The following BTBD18 variants were observed in gnomAD, a reference collection of about 807,000 sequenced individuals.
The protein encoded by BTBD18 is BTB domain containing 18.
For missense variants in BTBD18, 787 were observed against 846.3 expected (o/e 0.93, Z 0.87); for synonymous variants, 311 against 324.4 (o/e 0.96, Z 0.44).
Position 57,744,988 on chromosome 11 carries a change from T to C in BTBD18, c.1285A>G (p.Ile429Val). The C allele has an allele frequency of 6.4e-7, 1 of 1,551,684 alleles. No homozygotes were observed. The highest frequency in any genetic ancestry group is 8.7e-7 in the Non-Finnish European group (1 of 1,146,970). The part of the protein sequence containing the change: ...DSPMCTKLQD[I>V]LVSASHSPDH... Reference sequence around the variant, plus strand: ...GGGGAGTGGCTAGCAGAGACCAGAATGTCTTGTAGCTTAGTGCACATGGGG... The same window carrying C: ...GGGGAGTGGCTAGCAGAGACCAGAACGTCTTGTAGCTTAGTGCACATGGGG... The change falls in exon 3 of 3, where the codon ATT becomes GTT. Residue 429 changes from isoleucine to valine, a missense_variant. By Grantham distance (29) the Ile-to-Val change is conservative. Coordinates refer to ENST00000422652, the MANE Select transcript of BTBD18 (RefSeq NM_001145101.3).
chr11:57,751,051 G>A lies in BTBD18; in HGVS notation c.124+14C>T, dbSNP rs144744469. 2.7e-4 allele frequency: 405 copies of A among 1,513,726 alleles called. 2 individuals are homozygous for A. In the African/African-American group the frequency reaches 4.6e-3, roughly 17 times the overall value. 93.8% of individuals were successfully genotyped at this position (1,513,726 alleles called of 1,614,324 possible). A position where few individuals can be genotyped will look rare whatever the true frequency, so the allele number is the denominator to read the frequency against. ...TATGGTGAGTTTTCAGTTGAATTCC[G>A]ACCACTCTCTTACCTTCTGCCTGCA... On this transcript the variant is annotated intron_variant, in intron 2 of 2. Coordinates refer to ENST00000422652, the MANE Select transcript of BTBD18 (RefSeq NM_001145101.3).
At chr11:57,750,706 A>T (rs1042935540) in intron 2 of BTBD18, among the ~76,000 whole-genome samples, 1 of 152,234 alleles carries the variant, frequency 6.6e-6, no homozygotes. Context: ...AAGAAAACAT[A>T]ATAGTATCAT....
chr11:57,746,978 C>A (rs1244909941), intron 2 of BTBD18, among the ~76,000 whole-genome samples: 2 of 152,102 alleles, frequency 1.3e-5, no homozygotes, highest in African/African-American at 4.8e-5. Context: ...GTCTTTCTCA[C>A]TGAGATATAT....
rs1279366800 is a variant in BTBD18 at position 57,744,310 on chromosome 11, C to T, written c.1963G>A (p.Gly655Ser). Reference sequence around the variant, plus strand: ...TCAGAGTGACCAGATACCTCCTTGCCTGCCTTGGGAGAAGGGTATAATAAC... The same window carrying T: ...TCAGAGTGACCAGATACCTCCTTGCTTGCCTTGGGAGAAGGGTATAATAAC... ...DELLYPSPKA[G>S]KEVSGHSELL... Residue 655 changes from glycine to serine, a missense_variant, in exon 3 of 3, where the codon GGC becomes AGC. Physicochemically the swap from Gly to Ser is moderately conservative, Grantham distance 56. Transcript: ENST00000422652. 6.4e-7 allele frequency: 1 copy of T among 1,551,546 alleles called. No individual in the cohort carries two copies. The highest frequency in any genetic ancestry group is 1.4e-5 in the African/African-American group (1 of 73,058).
intron 1 of BTBD18, 130 bp from the exon 2 acceptor site, chr11:57,751,366 G>A (rs1221667781): frequency 1.3e-5 from 6 of 478,348 alleles, no homozygotes; most frequent in Non-Finnish European, 2.2e-5. Flanking sequence ...CAGAAATTGT[G>A]CCAAGGATAT....
chr11:57,744,101 T>G lies in BTBD18; in HGVS notation c.*33A>C. ...TTTTGCTAGCTAACATTTCCCACCC[T>G]CCCAAGGCCCCTAACCTGCCCTCCC... On this transcript the variant is annotated 3_prime_UTR_variant, in exon 3 of 3. Coordinates refer to ENST00000422652, the MANE Select transcript of BTBD18 (RefSeq NM_001145101.3). 4 of 590,246 alleles carry G rather than the reference T, an allele frequency of 6.8e-6. No homozygotes were observed. Among genetic ancestry groups the G allele is most frequent in the Non-Finnish European group, 1.2e-5 (4 of 343,564 alleles). 36.6% of individuals were successfully genotyped at this position (590,246 alleles called of 1,614,324 possible).
chr11:57,749,615 T>A (rs1949260697), intron 2 of BTBD18, among the ~76,000 whole-genome samples: 1 of 151,806 alleles, frequency 6.6e-6, no homozygotes, highest in Middle Eastern at 3.2e-3. Flanking sequence ...CCAGGTGTGG[T>A]GGCATATCCC....
At chr11:57,749,745 C>CAAAAAAAAA (rs576323420) in intron 2 of BTBD18, among the ~76,000 whole-genome samples, 4 of 62,968 alleles carry the variant, frequency 6.4e-5, no homozygotes, top group Non-Finnish European at 8.3e-5. Context: ...GCAAGAATCT[C>CAAAAAAAAA]AAAAAAAAAA....
At chr11:57,749,055 C>T (rs1178067092) in intron 2 of BTBD18, among the ~76,000 whole-genome samples, 2 of 152,206 alleles carry the variant, frequency 1.3e-5, no homozygotes, top group Non-Finnish European at 2.9e-5. Context: ...TCTTTCAGAT[C>T]TCACCTAAGG....
In BTBD18 at chr11:57,744,764, A is replaced by T; in HGVS notation, c.1509T>A (p.Cys503Ter). The T allele has an allele frequency of 6.4e-7, 1 of 1,551,738 alleles. No homozygotes were observed. Among genetic ancestry groups the T allele is most frequent in the Non-Finnish European group, 8.7e-7 (1 of 1,147,006 alleles). ...CTATAGGTGGTTCAATGTCTGAGCC[A>T]CAGAGCATGAAGTCCAGGATCTCCT... Reference protein sequence around the residue: ...ELEEILDFMLCGSDIEPPIGS... With the variant: ...ELEEILDFML Residue 503 changes from cysteine (C) to a stop codon, truncating the protein, a stop_gained, in exon 3 of 3, where the codon TGT becomes TGA. Transcript: ENST00000422652. LOFTEE classifies it low-confidence loss of function (END_TRUNC).
chr11:57,745,374 T>C lies in BTBD18; in HGVS notation c.899A>G (p.Gln300Arg), dbSNP rs1482107899. 2.6e-6 allele frequency: 4 copies of C among 1,551,580 alleles called. No individual in the cohort carries two copies. Among genetic ancestry groups the C allele is most frequent in the Non-Finnish European group, 3.5e-6 (4 of 1,146,986 alleles). ...PATPGRRLWR[Q>R]RSVNKETPED... ...TGGTGTTTCTTTATTTACACTCCTC[T>C]GCCGCCAAAGACGCCGGCCAGGGGT... The change falls in exon 3 of 3, where the codon CAG becomes CGG. Residue 300 changes from glutamine (Q) to arginine (R), a missense_variant. By Grantham distance (43) the Gln-to-Arg change is conservative. Transcript: ENST00000422652.
intron 2 of BTBD18, among the ~76,000 whole-genome samples, chr11:57,747,908 T>A (rs1302873462): frequency 6.6e-6 from 1 of 152,190 alleles, no homozygotes; most frequent in African/African-American, 2.4e-5. Context: ...CTGGTGATTA[T>A]CTTACCTCAG....
intron 2 of BTBD18, among the ~76,000 whole-genome samples, chr11:57,749,427 T>TA (rs1391586279): frequency 6.6e-6 from 1 of 152,170 alleles, no homozygotes; most frequent in African/African-American, 2.4e-5. Context: ...ACCATATAGC[T>TA]AAGGCTTCTC....
chr11:57,748,548 CTAAAAA>C (rs1197670046), intron 2 of BTBD18, among the ~76,000 whole-genome samples: 3 of 130,004 alleles, frequency 2.3e-5, no homozygotes, highest in Non-Finnish European at 4.9e-5. Flanking sequence ...GACCTTGTCT[CTAAAAA>C]GAAAAAAAAG....
In BTBD18 at chr11:57,744,735, GACCCTAT is replaced by G. The variant is rs773268461; in HGVS notation, c.1531_1537del (p.Ile511LeufsTer17). 189 of 1,551,724 alleles carry G rather than the reference GACCCTAT, an allele frequency of 1.2e-4. 3 individuals carry two copies. In the South Asian group the frequency reaches 2.1e-3, roughly 17 times the overall value. ...GCCCTCAGCCCCTGGACTCTCCAGA[GACCCTAT>G]AGGTGGTTCAATGTCTGAGCCACAG... is the stretch of plus-strand genomic sequence containing the variant. On this transcript the variant is annotated frameshift_variant, in exon 3 of 3. Coordinates refer to ENST00000422652, the MANE Select transcript of BTBD18 (RefSeq NM_001145101.3). LOFTEE classifies it low-confidence loss of function (END_TRUNC).
In BTBD18 at chr11:57,744,312, G is replaced by T; in HGVS notation, c.1961C>A (p.Ala654Glu). Reference sequence around the variant, plus strand: ...AGAGTGACCAGATACCTCCTTGCCTGCCTTGGGAGAAGGGTATAATAACTC... The same window carrying T: ...AGAGTGACCAGATACCTCCTTGCCTTCCTTGGGAGAAGGGTATAATAACTC... ...TDELLYPSPKAGKEVSGHSEL... is the reference protein window; with the variant it reads ...TDELLYPSPKEGKEVSGHSEL... Residue 654 changes from alanine (A) to glutamate (E), a missense_variant, in exon 3 of 3, where the codon GCA becomes GAA. Physicochemically the swap from Ala to Glu is moderately radical, Grantham distance 107. Coordinates refer to ENST00000422652, the MANE Select transcript of BTBD18 (RefSeq NM_001145101.3). 6.4e-7 allele frequency: 1 copy of T among 1,551,644 alleles called. No individual in the cohort carries two copies.
rs769328429 is a variant in BTBD18 at position 57,744,894 on chromosome 11, G to A, written c.1379C>T (p.Ala460Val). The part of the protein sequence containing the change: ...PELVEKEPML[A>V]IDCREPYAFD... The stretch of plus-strand genomic sequence containing the variant: ...TGCATAGGGTTCTCTGCAGTCAATA[G>A]CCAACATAGGTTCCTTCTCTACCAG... Residue 460 changes from alanine to valine, a missense_variant, in exon 3 of 3, where the codon GCT becomes GTT. Ala to Val is a moderately conservative substitution (Grantham distance 64). Transcript: ENST00000422652. The A allele has an allele frequency of 1.9e-6, 3 of 1,551,592 alleles. No individual in the cohort carries two copies. The East Asian group carries it at 7.3e-5, about 38-fold the overall frequency.
At chr11:57,746,846 A>AGTCTGAGT (rs1389722759) in intron 2 of BTBD18, among the ~76,000 whole-genome samples, 1 of 150,342 alleles carries the variant, frequency 6.7e-6, no homozygotes, top group East Asian at 2.0e-4. Context: ...CCCCACCACA[A>AGTCTGAGT]GTCTGAGTTA....
intron 2 of BTBD18, 136 bp from the exon 3 acceptor site, chr11:57,746,284 A>G (rs1949188697): frequency 1.5e-6 from 1 of 669,726 alleles, no homozygotes. Flanking sequence ...GAAAAAAATT[A>G]TTCTTCTGCC....
Sources: allele counts gnomAD v4.1 joint callset (sites outside exome capture counted in the v4.1 genomes callset), GRCh38; gene constraint gnomAD v4.1.1; transcripts MANE v1.5; gene names NCBI Gene and HGNC (gene_info 2026-07-23, HGNC 2026-07-21).